Variants in DOCK4 observed in about 807,000 individuals in gnomAD.
DOCK4 encodes the protein dedicator of cytokinesis 4.
Under a neutral mutation model 268.1 loss-of-function variants are expected in DOCK4, and 97 were observed. The observed-to-expected ratio is 0.36, with a 90% CI of 0.31 to 0.43. The LOEUF (loss-of-function observed/expected upper bound fraction) is 0.43. Among genes scored for constraint, DOCK4 ranks in the 20% least tolerant of loss-of-function variants. The pLI is 1.00. For synonymous variants in DOCK4, 954 were observed against 887.2 expected, an observed-to-expected ratio of 1.08 and a Z score of -1.34; for missense variants, 2,145 against 2,455.7, an observed-to-expected ratio of 0.87 and a Z score of 2.67.
intron 1 of DOCK4, among the ~76,000 whole-genome samples, chr7:112,036,888 T>C (rs1803838100): frequency 6.6e-6 from 1 of 152,156 alleles, no homozygotes; most frequent in South Asian, 2.1e-4. Flanking sequence ...CTCATACTCC[T>C]GACCTCAGGT....
intron 34 of DOCK4, 53 bp from the exon 35 acceptor site, chr7:111,782,977 C>T: frequency 7.8e-7 from 1 of 1,282,044 alleles, no homozygotes; most frequent in Non-Finnish European, 1.1e-6. Context: ...TAGGGGCAAA[C>T]ACAGTTTGTT....
chr7:112,045,662 A>G (rs1410425172), intron 1 of DOCK4, among the ~76,000 whole-genome samples: 1 of 152,248 alleles, frequency 6.6e-6, no homozygotes, highest in Non-Finnish European at 1.5e-5. Context: ...TGCCTGAAAG[A>G]TAGTAATTGC....
chr7:112,051,462 C>A (rs1268132551), intron 1 of DOCK4, among the ~76,000 whole-genome samples: 1 of 151,942 alleles, frequency 6.6e-6, no homozygotes, highest in Non-Finnish European at 1.5e-5. Flanking sequence ...TAAATGACTT[C>A]TTTTATCGAA....
At chr7:112,122,854 T>C (rs928795931) in intron 1 of DOCK4, among the ~76,000 whole-genome samples, 3 of 152,244 alleles carry the variant, frequency 2.0e-5, no homozygotes, top group African/African-American at 4.8e-5. Flanking sequence ...AAATATACAC[T>C]GAAGCCCATA....
intron 1 of DOCK4, among the ~76,000 whole-genome samples, chr7:112,092,950 T>A (rs748859933): frequency 5.3e-5 from 8 of 152,136 alleles, no homozygotes; most frequent in Non-Finnish European, 7.4e-5. Context: ...AATCTTTACC[T>A]GCCTAGTAAC....
intron 8 of DOCK4, among the ~76,000 whole-genome samples, chr7:111,947,498 A>C (rs2134837423): frequency 6.6e-6 from 1 of 151,782 alleles, no homozygotes; most frequent in South Asian, 2.1e-4. Flanking sequence ...GATGGCCAAT[A>C]AGGCATGCAT....
chr7:111,992,970 A>G (rs1418942700), intron 5 of DOCK4, among the ~76,000 whole-genome samples: 2 of 152,220 alleles, frequency 1.3e-5, no homozygotes, highest in Non-Finnish European at 2.9e-5. Context: ...TCCCTAGCAC[A>G]GAGCCCTCGA....
At chr7:112,087,251 T>C (rs1809176182) in intron 1 of DOCK4, among the ~76,000 whole-genome samples, 1 of 152,154 alleles carries the variant, frequency 6.6e-6, no homozygotes, top group African/African-American at 2.4e-5. Context: ...TGACAACCCC[T>C]TCTGACACTC....
At chr7:111,755,677 T>C in intron 41 of DOCK4, 76 bp from the exon 42 acceptor site, 1 of 1,345,478 alleles carries the variant, frequency 7.4e-7, no homozygotes, top group South Asian at 1.2e-5. Flanking sequence ...TGTTTGTCGG[T>C]CACTGTTACC....
chr7:111,959,170 C>G (rs1796670083), intron 8 of DOCK4, among the ~76,000 whole-genome samples: 1 of 152,128 alleles, frequency 6.6e-6, no homozygotes, highest in South Asian at 2.1e-4. Context: ...ACAGAGAAAT[C>G]TGTGCCAGCA....
chr7:111,907,955 T>C (rs1321815061), intron 13 of DOCK4, among the ~76,000 whole-genome samples: 2 of 152,068 alleles, frequency 1.3e-5, no homozygotes, highest in African/African-American at 4.8e-5. Flanking sequence ...CTTGAACAAC[T>C]GAGGTCAAGC....
At chr7:111,917,020 G>T (rs1441478057) in intron 12 of DOCK4, among the ~76,000 whole-genome samples, 1 of 119,304 alleles carries the variant, frequency 8.4e-6, no homozygotes, top group Admixed American at 1.1e-4. Flanking sequence ...ACGGAGTCAC[G>T]CTCTGTTCCC....
chr7:111,781,702 G>A (rs527939137), intron 35 of DOCK4, among the ~76,000 whole-genome samples: 79 of 152,264 alleles, frequency 5.2e-4, no homozygotes, highest in African/African-American at 1.7e-3. Flanking sequence ...GAGATGAGAA[G>A]CAGTACAGCA....
At chr7:112,198,858 T>C (rs1820684362) in intron 1 of DOCK4, among the ~76,000 whole-genome samples, 1 of 152,220 alleles carries the variant, frequency 6.6e-6, no homozygotes, top group Non-Finnish European at 1.5e-5. Context: ...TGAAATAGTG[T>C]TGTTTATGAA....
Position 112,185,620 on chromosome 7 carries a change from AAAG to A in DOCK4, c.37+20479_37+20481del, listed in dbSNP as rs1446255853. ...ACCCTCAGTTAAAAAAAAAAAAAGA[AAAG>A]AAAAAGTTCACTTGAAATAAAAGAC... On this transcript the variant is annotated intron_variant, in intron 1 of 52. Coordinates refer to ENST00000428084, the MANE Select transcript of DOCK4 (RefSeq NM_001363540.2). 4.6e-5 allele frequency among the ~76,000 whole-genome samples: 7 copies of A among 152,262 alleles called. No homozygotes were observed. The East Asian group carries it at 1.4e-3, about 29-fold the overall frequency.
At chr7:111,796,151 G>A (rs1799882425) in intron 30 of DOCK4, among the ~76,000 whole-genome samples, 1 of 152,196 alleles carries the variant, frequency 6.6e-6, no homozygotes, top group Non-Finnish European at 1.5e-5. Flanking sequence ...TACACCATCA[G>A]AGAGTGTCCC....
intron 36 of DOCK4, among the ~76,000 whole-genome samples, chr7:111,775,917 G>T (rs1798414772): frequency 6.6e-6 from 1 of 152,174 alleles, no homozygotes; most frequent in Non-Finnish European, 1.5e-5. Flanking sequence ...GTTCTTGGGA[G>T]AAAGGAAGAA....
chr7:111,968,553 G>C (rs1411757188), intron 8 of DOCK4, among the ~76,000 whole-genome samples: 2 of 102,762 alleles, frequency 1.9e-5, no homozygotes, highest in East Asian at 7.6e-4. Context: ...TAAAAAGTCA[G>C]GAAACAACAG....
At chr7:111,856,106 T>G (rs1382662552) in intron 23 of DOCK4, among the ~76,000 whole-genome samples, 1 of 152,212 alleles carries the variant, frequency 6.6e-6, no homozygotes, top group Non-Finnish European at 1.5e-5. Flanking sequence ...CAGCTGCCTG[T>G]GACACACATG....
Sources: gnomAD v4.1 joint callset for allele counts (sites outside exome capture counted in the v4.1 genomes callset) on GRCh38, gnomAD v4.1.1 for gene constraint, MANE v1.5 for transcripts, NCBI Gene and HGNC (gene_info 2026-07-23, HGNC 2026-07-21) for gene names.